The following FYN variants were observed in gnomAD, a reference collection of about 807,000 sequenced individuals.
FYN encodes tyrosine-protein kinase Fyn.
FYN carries 10 observed loss-of-function variants against 70.2 expected under a neutral mutation model. The observed-to-expected ratio is 0.14, with a 90% CI of 0.09 to 0.24. The LOEUF is 0.24. FYN is among the 10% of genes least tolerant of loss of function. FYN has a pLI of 1.00. For synonymous variants in FYN, 236 were observed against 248.6 expected, an observed-to-expected ratio of 0.95 and a Z score of 0.48; for missense variants, 319 against 673.1, an observed-to-expected ratio of 0.47 and a Z score of 5.82.
In FYN at chr6:111,721,213, T is replaced by C. The variant is rs562964689; in HGVS notation, c.-11-1151A>G. On this transcript the variant is annotated intron_variant, in intron 3 of 13. Coordinates refer to ENST00000354650, the MANE Select transcript of FYN (RefSeq NM_002037.5). ...TGCTTTCTGAAGTGCTCCCATGGCA[T>C]CCTCATCTCCCTCCTTCTGGCACCC... 8.5e-5 allele frequency among the ~76,000 whole-genome samples: 13 copies of C among 152,260 alleles called. No homozygotes were observed. The East Asian group carries it at 2.1e-3, about 25-fold the overall frequency.
In FYN at chr6:111,791,032, TC is replaced by T. The variant is rs371115084; in HGVS notation, c.-81-10398del. Among the ~76,000 whole-genome samples the T allele has an allele frequency of 3.1e-4, 47 of 152,290 alleles. 1 individual carries two copies. The highest frequency in any genetic ancestry group is 1.1e-3 in the African/African-American group (47 of 41,568). On this transcript the variant is annotated intron_variant, in intron 2 of 13. Coordinates refer to ENST00000354650, the MANE Select transcript of FYN (RefSeq NM_002037.5). ...CAATTTTTTTTGTTTTTAAACTAGG[TC>T]TTTTTTTTCTGATGGAAATTGACAA...
At chr6:111,786,342 G>A (rs1771382929) in intron 2 of FYN, among the ~76,000 whole-genome samples, 1 of 151,886 alleles carries the variant, frequency 6.6e-6, no homozygotes, top group African/African-American at 2.4e-5. Flanking sequence ...AGTTTGCTGA[G>A]AATGATGGTT....
rs1045407297 is a variant in FYN, at chr6:111,759,489, C to T, written c.-12+21077G>A. Among the ~76,000 whole-genome samples the T allele has an allele frequency of 4.6e-5, 7 of 152,318 alleles. No individual in the cohort carries two copies. The South Asian group carries it at 1.0e-3, about 23-fold the overall frequency. On this transcript the variant is annotated intron_variant, in intron 3 of 13. Transcript: ENST00000354650. ...TCCAGCCCTCGTGCAGTGGTGCTAA[C>T]CGAACGGAGGCTGTCCACAACGGTG...
At chr6:111,699,715 C>A in intron 9 of FYN, 1 of 1,541,694 alleles carries the variant, frequency 6.5e-7, no homozygotes, top group South Asian at 1.2e-5. Context: ...CCTTATAATC[C>A]ATAATTATGC....
intron 3 of FYN, among the ~76,000 whole-genome samples, chr6:111,751,613 CCATT>C (rs947819427): frequency 5.4e-5 from 7 of 129,252 alleles, no homozygotes; most frequent in African/African-American, 2.0e-4. Context: ...GGCAGTGTCT[CCATT>C]CAAATTCTTT....
At chr6:111,684,940 T>A (rs1051246190) in intron 12 of FYN, among the ~76,000 whole-genome samples, 1 of 152,170 alleles carries the variant, frequency 6.6e-6, no homozygotes, top group Non-Finnish European at 1.5e-5. Flanking sequence ...ATTCCAATTA[T>A]CCTTCCAGTT....
At chr6:111,700,753 T>C (rs1184455361) in intron 8 of FYN, among the ~76,000 whole-genome samples, 1 of 152,212 alleles carries the variant, frequency 6.6e-6, no homozygotes, top group Non-Finnish European at 1.5e-5. Flanking sequence ...ACCTTTAGTA[T>C]CTAGATTACC....
chr6:111,702,259 TA>T (rs1799874090), intron 8 of FYN, among the ~76,000 whole-genome samples: 1 of 152,216 alleles, frequency 6.6e-6, no homozygotes, highest in African/African-American at 2.4e-5. Flanking sequence ...GCATATCTAA[TA>T]ATTATATGTT....
Position 111,696,460 on chromosome 6 carries a change from C to T in FYN, c.863-4G>A, listed in dbSNP as rs1329413150. 1 of 1,590,210 alleles carries T rather than the reference C, an allele frequency of 6.3e-7. No homozygotes were observed. The highest frequency in any genetic ancestry group is 8.6e-7 in the Non-Finnish European group (1 of 1,165,704). On this transcript the variant is annotated splice_polypyrimidine_tract_variant and splice_region_variant and intron_variant, in intron 9 of 13. Transcript: ENST00000354650. ...TTTGTGTTTCCATTCCAGGTACCTA[C>T]AAACATCCCAGAATATGAAGTCAAA...
chr6:111,674,213 CCTACTGAGAGAGGAGAGATT>C (rs1455766220), intron 13 of FYN, among the ~76,000 whole-genome samples: 2 of 152,176 alleles, frequency 1.3e-5, no homozygotes, highest in Non-Finnish European at 2.9e-5. Flanking sequence ...GACACATACT[CCTACTGAGAGAGGAGAGATT>C]CTATGAACTG....
intron 2 of FYN, among the ~76,000 whole-genome samples, chr6:111,802,308 A>G (rs993389282): frequency 1.1e-4 from 16 of 151,868 alleles, no homozygotes; most frequent in Admixed American, 9.8e-4. Flanking sequence ...GCCTTCTGCC[A>G]TGATTGTAAA....
intron 2 of FYN, among the ~76,000 whole-genome samples, chr6:111,841,465 A>C (rs902856875): frequency 6.6e-6 from 1 of 152,198 alleles, no homozygotes; most frequent in Admixed American, 6.5e-5. Flanking sequence ...TTCAAGTCTG[A>C]GATATAGTTT....
intron 1 of FYN, among the ~76,000 whole-genome samples, chr6:111,860,568 T>C (rs1773935787): frequency 6.6e-6 from 1 of 152,210 alleles, no homozygotes; most frequent in South Asian, 2.1e-4. Flanking sequence ...GATTAGGGAC[T>C]CTTCCCCACA....
chr6:111,695,615 G>A (rs1799538136), intron 10 of FYN, among the ~76,000 whole-genome samples: 1 of 152,108 alleles, frequency 6.6e-6, no homozygotes, highest in South Asian at 2.1e-4. Context: ...GAAAGTACAT[G>A]GAAAAGAAAA....
At chr6:111,699,851 A>G in intron 9 of FYN, 1 of 611,736 alleles carries the variant, frequency 1.6e-6, no homozygotes, top group Non-Finnish European at 2.6e-6. Flanking sequence ...TTGCTGGTTT[A>G]TGAATTGAGA....
intron 2 of FYN, among the ~76,000 whole-genome samples, chr6:111,793,320 A>G (rs942912574): frequency 2.0e-5 from 3 of 152,124 alleles, no homozygotes; most frequent in African/African-American, 7.2e-5. Context: ...TATCTTACTG[A>G]TTTTTTAAAG....
chr6:111,850,402 G>C (rs751847237), intron 1 of FYN, among the ~76,000 whole-genome samples: 1 of 152,164 alleles, frequency 6.6e-6, no homozygotes, highest in South Asian at 2.1e-4. Context: ...GATTCACATC[G>C]GAATGGCTTC....
At chr6:111,685,678 C>A (rs973448587) in intron 12 of FYN, among the ~76,000 whole-genome samples, 1 of 152,176 alleles carries the variant, frequency 6.6e-6, no homozygotes, top group African/African-American at 2.4e-5. Flanking sequence ...GTCTACAGTT[C>A]CTATTTACAC....
At chr6:111,764,168 A>T (rs1182596733) in intron 3 of FYN, among the ~76,000 whole-genome samples, 2 of 150,372 alleles carry the variant, frequency 1.3e-5, no homozygotes, top group Admixed American at 1.3e-4. Context: ...CATAAAAAAA[A>T]ATGAATAAAA....
Sources: allele counts gnomAD v4.1 joint callset (sites outside exome capture counted in the v4.1 genomes callset), GRCh38; gene constraint gnomAD v4.1.1; transcripts MANE v1.5; gene names NCBI Gene and HGNC (gene_info 2026-07-23, HGNC 2026-07-21).